JARID2: variants seen among roughly 807,000 people sequenced by gnomAD.
JARID2 encodes the protein protein Jumonji.
JARID2 carries 21 observed loss-of-function variants against 125.6 expected under a neutral mutation model. That is an observed-to-expected ratio of 0.17 (90% CI 0.12 to 0.24). JARID2 has a LOEUF of 0.24. Among genes scored for constraint, JARID2 ranks in the 10% least tolerant of loss-of-function variants. The probability of loss-of-function intolerance (pLI) is 1.00; values close to 1 mark genes in which losing one functional copy is unlikely to be tolerated. For synonymous variants in JARID2, 736 were observed against 661.6 expected, an observed-to-expected ratio of 1.11 and a Z score of -1.73; for missense variants, 1,303 against 1,639.6, an observed-to-expected ratio of 0.79 and a Z score of 3.55.
intron 2 of JARID2, among the ~76,000 whole-genome samples, chr6:15,396,982 A>G (rs753677296): frequency 2.6e-5 from 4 of 152,190 alleles, no homozygotes; most frequent in Admixed American, 6.5e-5. Context: ...CATGTTAGCT[A>G]TCGGGCCAGC....
At chr6:15,445,181 T>A in intron 3 of JARID2, among the ~76,000 whole-genome samples, 1 of 152,176 alleles carries the variant, frequency 6.6e-6, no homozygotes, top group East Asian at 1.9e-4. Context: ...GTGAAGCTTC[T>A]AATGGCAGGA....
chr6:15,433,259 T>C (rs1450976689), intron 3 of JARID2, among the ~76,000 whole-genome samples: 1 of 152,224 alleles, frequency 6.6e-6, no homozygotes, highest in Non-Finnish European at 1.5e-5. Flanking sequence ...TTTTCCTTTG[T>C]GTGTCCCCAA....
chr6:15,513,917 C>CT (rs1210131838), intron 16 of JARID2, among the ~76,000 whole-genome samples: 1 of 152,228 alleles, frequency 6.6e-6, no homozygotes, highest in African/African-American at 2.4e-5. Context: ...CCCCCGAGGA[C>CT]TTCAGAATCT....
intron 4 of JARID2, among the ~76,000 whole-genome samples, chr6:15,456,695 A>C (rs946351170): frequency 4.6e-5 from 7 of 151,868 alleles, no homozygotes; most frequent in African/African-American, 1.7e-4. Flanking sequence ...AATCTGATGG[A>C]TTTGGTGGCC....
intron 1 of JARID2, among the ~76,000 whole-genome samples, chr6:15,274,153 C>T (rs1760404846): frequency 6.6e-6 from 1 of 152,168 alleles, no homozygotes; most frequent in South Asian, 2.1e-4. Flanking sequence ...TGGTCTTGAA[C>T]TCCTCACCTC....
chr6:15,487,390 A>C lies in JARID2; in HGVS notation c.754A>C (p.Lys252Gln). ...KSKEATPAKE[K>Q]HSDHRADSRR... is the part of the protein sequence containing the mutation. The stretch of plus-strand genomic sequence containing the variant: ...CAAAGAGGCCACTCCCGCAAAGGAG[A>C]AGCACAGCGATCACCGGGCTGACAG... Residue 252 changes from lysine (K) to glutamine (Q), a missense_variant, in exon 6 of 18, where the codon AAG (lysine) becomes CAG (glutamine). Transcript: ENST00000341776. The C allele has an allele frequency of 1.9e-6, 3 of 1,614,234 alleles. No individual in the cohort carries two copies. In the South Asian group the frequency reaches 3.3e-5, roughly 18 times the overall value.
intron 1 of JARID2, among the ~76,000 whole-genome samples, chr6:15,370,511 G>T (rs372364384): frequency 1.3e-5 from 2 of 151,854 alleles, no homozygotes; most frequent in Non-Finnish European, 2.9e-5. Context: ...CTAATATTTT[G>T]TATTTTCTTT....
At chr6:15,449,931 T>C (rs929911136) in intron 3 of JARID2, among the ~76,000 whole-genome samples, 3 of 152,176 alleles carry the variant, frequency 2.0e-5, no homozygotes, top group Non-Finnish European at 2.9e-5. Context: ...TGTAGTACTT[T>C]ATATTTCGGG....
chr6:15,375,425 C>T (rs1018565404), intron 2 of JARID2, among the ~76,000 whole-genome samples: 2 of 152,174 alleles, frequency 1.3e-5, no homozygotes, highest in South Asian at 2.1e-4. Flanking sequence ...GTCATGTGTG[C>T]GTCTCTCAAC....
chr6:15,491,056 C>T (rs1770127321), intron 6 of JARID2, among the ~76,000 whole-genome samples: 1 of 152,110 alleles, frequency 6.6e-6, no homozygotes, highest in Non-Finnish European at 1.5e-5. Flanking sequence ...AAAAATCCTG[C>T]CCTAGTAAGA....
intron 1 of JARID2, among the ~76,000 whole-genome samples, chr6:15,361,424 G>C (rs1380917032): frequency 6.6e-6 from 1 of 152,106 alleles, no homozygotes; most frequent in African/African-American, 2.4e-5. Context: ...TTCCTCCTCT[G>C]TCCTTTCACA....
chr6:15,488,134 G>A (rs1481854537), intron 6 of JARID2, among the ~76,000 whole-genome samples: 2 of 152,118 alleles, frequency 1.3e-5, no homozygotes, highest in Non-Finnish European at 2.9e-5. Context: ...TCCTGCCCCT[G>A]CCTGTCCTGC....
intron 3 of JARID2, among the ~76,000 whole-genome samples, chr6:15,412,915 A>T (rs569374714): frequency 4.6e-4 from 70 of 151,412 alleles, no homozygotes; most frequent in African/African-American, 1.4e-3. Context: ...TAATTTTAAA[A>T]TATCTTTAGT....
Position 15,496,945 on chromosome 6 carries a change from A to G in JARID2, c.1720A>G (p.Ile574Val), listed in dbSNP as rs1315081738. ...AKEFHDPLIY[I>V]ESVRAQVEKF... ...GGAGTTCCACGATCCGCTCATCTAC[A>G]TCGAGTCGGTCCGCGCTCAGGTGGA... The change falls in exon 7 of 18, where the codon ATC becomes GTC. Residue 574 changes from isoleucine to valine, a missense_variant. Ile to Val is a conservative substitution (Grantham distance 29). This residue lies in a region of JARID2 where 651 missense variants were observed against 581.6 expected (regional missense o/e 1.12). Transcript: ENST00000341776. 6.2e-7 allele frequency: 1 copy of G among 1,608,074 alleles called. No individual in the cohort carries two copies. Among genetic ancestry groups the G allele is most frequent in the Non-Finnish European group, 8.5e-7 (1 of 1,175,612 alleles).
chr6:15,294,628 G>C (rs2127400727), intron 1 of JARID2, among the ~76,000 whole-genome samples: 1 of 152,336 alleles, frequency 6.6e-6, no homozygotes, highest in East Asian at 1.9e-4. Context: ...ATCACATACA[G>C]ATTTGCTGGA....
intron 16 of JARID2, among the ~76,000 whole-genome samples, chr6:15,514,689 C>T (rs546801284): frequency 6.6e-6 from 1 of 152,278 alleles, no homozygotes; most frequent in African/African-American, 2.4e-5. Flanking sequence ...TCGGTGTGTC[C>T]TCATCTCCTC....
At chr6:15,419,711 C>A (rs1428150584) in intron 3 of JARID2, among the ~76,000 whole-genome samples, 1 of 152,212 alleles carries the variant, frequency 6.6e-6, no homozygotes, top group Non-Finnish European at 1.5e-5. Flanking sequence ...CACTGCCCCA[C>A]TGTCCCGATG....
chr6:15,434,480 A>G (rs1205203264), intron 3 of JARID2, among the ~76,000 whole-genome samples: 1 of 152,184 alleles, frequency 6.6e-6, no homozygotes, highest in African/African-American at 2.4e-5. Flanking sequence ...TATTTTAACC[A>G]CTGTGAAATG....
intron 2 of JARID2, among the ~76,000 whole-genome samples, chr6:15,380,034 G>C (rs11964019): frequency 6.8e-6 from 1 of 147,164 alleles, no homozygotes; most frequent in Non-Finnish European, 1.5e-5. Flanking sequence ...TTTTTTGGTC[G>C]GGGGCCGGGG....
Sources: gnomAD v4.1 joint callset for allele counts (sites outside exome capture counted in the v4.1 genomes callset) on GRCh38, gnomAD v4.1.1 for gene constraint, gnomAD v4.1.1 regional missense constraint, MANE v1.5 for transcripts, NCBI Gene and HGNC (gene_info 2026-07-23, HGNC 2026-07-21) for gene names.